RSPH4A: variants seen among roughly 807,000 people sequenced by gnomAD.
The protein encoded by RSPH4A is radial spoke head protein 4 homolog A.
In RSPH4A, 47 loss-of-function variants were observed where a neutral mutation model predicts 71.0. The ratio of observed to expected loss-of-function variants is 0.66; its 90% confidence interval spans 0.52 to 0.84. RSPH4A has a LOEUF of 0.84. Among genes scored for constraint, RSPH4A ranks in the 40% least tolerant of loss-of-function variants. RSPH4A has a pLI of 0.00. For missense variants in RSPH4A, 793 were observed against 855.2 expected (o/e 0.93, Z 0.91); for synonymous variants, 282 against 302.3 (o/e 0.93, Z 0.70).
At chr6:116,624,654 C>T (rs576814735) in intron 2 of RSPH4A, among the ~76,000 whole-genome samples, 13 of 152,154 alleles carry the variant, frequency 8.5e-5, no homozygotes, top group Non-Finnish European at 1.6e-4. Context: ...AGACAGGTCT[C>T]TCTGATGCAT....
At position 116,629,594 on chromosome 6, in the gene RSPH4A, C is replaced by CA; in HGVS notation, c.1697dup (p.Asn566LysfsTer2). On this transcript the variant is annotated frameshift_variant, in exon 4 of 6. Coordinates refer to ENST00000229554, the MANE Select transcript of RSPH4A (RefSeq NM_001010892.3). LOFTEE classifies it high-confidence loss of function. ...TCGCTGTAATTGGTTCAACTCCATA[C>CA]AAAAAAATGAGGAAGAAGAAGAGGA... 6.2e-7 allele frequency: 1 copy of CA among 1,611,934 alleles called. No homozygotes were observed. Among genetic ancestry groups the CA allele is most frequent in the Non-Finnish European group, 8.5e-7 (1 of 1,178,418 alleles).
rs59377615 is a variant in RSPH4A, at chr6:116,622,119, C to CT, written c.687-642dup. Among the ~76,000 whole-genome samples the CT allele has an allele frequency of 6.3e-3, 951 of 152,032 alleles. 11 individuals are homozygous for CT. Among genetic ancestry groups the CT allele is most frequent in the African/African-American group, 0.022 (923 of 41,464 alleles). On this transcript the variant is annotated intron_variant, in intron 1 of 5. Transcript: ENST00000229554. ...AATAAAGGTAAGTAATATTTAATGGCTTTTTTTGTTGTGTGTAAGTGGATG... is the reference window on the plus strand; with the variant it reads ...AATAAAGGTAAGTAATATTTAATGGCTTTTTTTTGTTGTGTGTAAGTGGATG...
intron 4 of RSPH4A, 92 bp downstream of exon 4, chr6:116,629,794 T>C (rs530799052): frequency 1.6e-6 from 2 of 1,232,988 alleles, no homozygotes; most frequent in African/African-American, 3.0e-5. Context: ...CGGAAAGCTC[T>C]AAAAACTGGA....
At chr6:116,618,044 T>G (rs758543962) in intron 1 of RSPH4A, among the ~76,000 whole-genome samples, 13 of 152,336 alleles carry the variant, frequency 8.5e-5, no homozygotes, top group Non-Finnish European at 1.6e-4. Flanking sequence ...GGAAAACATC[T>G]AATACAACTC....
At chr6:116,632,035 TC>T (rs2115368044) in intron 5 of RSPH4A, among the ~76,000 whole-genome samples, 171 bp from the exon 6 acceptor site, 1 of 152,264 alleles carries the variant, frequency 6.6e-6, no homozygotes, top group Admixed American at 6.5e-5. Flanking sequence ...TGAAAACAAT[TC>T]CCTGTGGTAG....
chr6:116,618,699 G>A (rs188649590), intron 1 of RSPH4A, among the ~76,000 whole-genome samples: 1 of 152,318 alleles, frequency 6.6e-6, no homozygotes, highest in East Asian at 1.9e-4. Context: ...AGACTTCCGT[G>A]ACAAAATGTT....
At chr6:116,631,907 TC>T (rs1184638229) in intron 5 of RSPH4A, among the ~76,000 whole-genome samples, 1 of 152,156 alleles carries the variant, frequency 6.6e-6, no homozygotes, top group Admixed American at 6.5e-5. Context: ...CTTTTTTTTT[TC>T]CTCCCCTGAA....
At position 116,622,616 on chromosome 6, in the gene RSPH4A, C is replaced by T. The variant is rs1401993609; in HGVS notation, c.687-152C>T. 12 of 578,568 alleles carry T rather than the reference C, an allele frequency of 2.1e-5. 1 individual carries two copies. The highest frequency in any genetic ancestry group is 2.0e-4 in the South Asian group (9 of 45,100). 35.8% of individuals were successfully genotyped at this position (578,568 alleles called of 1,614,324 possible). On this transcript the variant is annotated intron_variant, in intron 1 of 5. Coordinates refer to ENST00000229554, the MANE Select transcript of RSPH4A (RefSeq NM_001010892.3). ...CAAATAGTTGTTCAATAATTGCCTA[C>T]TTCCTATTAATTGACCTAAGCTATA... is the stretch of plus-strand genomic sequence containing the variant.
chr6:116,623,058 T>C (rs999590744), intron 2 of RSPH4A, 56 bp downstream of exon 2: 13 of 1,066,042 alleles, frequency 1.2e-5, no homozygotes, highest in African/African-American at 9.4e-5. Context: ...TTGGGACGAA[T>C]GGCTGTGGCT....
In RSPH4A at chr6:116,632,699, TAATGG is replaced by T; in HGVS notation, c.*262_*266del. On this transcript the variant is annotated 3_prime_UTR_variant, in exon 6 of 6. Coordinates refer to ENST00000229554, the MANE Select transcript of RSPH4A (RefSeq NM_001010892.3). ...GCATAATTGTTCTGAGGGTTATGGATAATGGAATATGTGTTTGTACATTCCTGTTT... is the reference window on the plus strand; with the variant it reads ...GCATAATTGTTCTGAGGGTTATGGATAATATGTGTTTGTACATTCCTGTTT... 1 of 434,346 alleles carries T rather than the reference TAATGG, an allele frequency of 2.3e-6. No individual in the cohort carries two copies. The highest frequency in any genetic ancestry group is 4.2e-6 in the Non-Finnish European group (1 of 235,784). 26.9% of individuals were successfully genotyped at this position (434,346 alleles called of 1,614,324 possible).
At chr6:116,626,231 T>C (rs1178795399) in intron 2 of RSPH4A, among the ~76,000 whole-genome samples, 8 of 152,226 alleles carry the variant, frequency 5.3e-5, no homozygotes, top group Non-Finnish European at 1.5e-5. Flanking sequence ...GAGCATATCA[T>C]TTGTAAGAAC....
Position 116,616,648 on chromosome 6 carries a change from C to A in RSPH4A, c.25C>A (p.Gln9Lys), listed in dbSNP as rs139499008. 1.3e-4 allele frequency: 209 copies of A among 1,613,582 alleles called. No individual in the cohort carries two copies. The highest frequency in any genetic ancestry group is 1.7e-4 in the Non-Finnish European group (205 of 1,179,876). The change falls in exon 1 of 6, where the codon CAA becomes AAA. Residue 9 changes from glutamine to lysine, a missense_variant. Coordinates refer to ENST00000229554, the MANE Select transcript of RSPH4A (RefSeq NM_001010892.3). Reference sequence around the variant, plus strand: ...CATGGAGGACTCAACCTCCCCGAAGCAAGAAAAAGAAAACCAAGAAGAACT... The same window carrying A: ...CATGGAGGACTCAACCTCCCCGAAGAAAGAAAAAGAAAACCAAGAAGAACT... MEDSTSPK[Q>K]EKENQEELGE... is the part of the protein sequence containing the mutation.
At chr6:116,630,102 G>A (rs1775767944) in intron 4 of RSPH4A, among the ~76,000 whole-genome samples, 2 of 152,120 alleles carry the variant, frequency 1.3e-5, no homozygotes, top group South Asian at 4.2e-4. Flanking sequence ...ATTTGTGCTT[G>A]CAACCCTTGA....
At chr6:116,623,508 T>C (rs1775646579) in intron 2 of RSPH4A, among the ~76,000 whole-genome samples, 1 of 152,054 alleles carries the variant, frequency 6.6e-6, no homozygotes, top group South Asian at 2.1e-4. Context: ...TTTCATACTG[T>C]GTTTTAGTAT....
At position 116,629,478 on chromosome 6, in the gene RSPH4A, G is replaced by A; in HGVS notation, c.1663-89G>A. The stretch of plus-strand genomic sequence containing the variant: ...GAATAATTGATTAAATTCCCACAGA[G>A]TTACACTTCATCCTGATCAATTCAA... On this transcript the variant is annotated intron_variant, in intron 3 of 5. Coordinates refer to ENST00000229554, the MANE Select transcript of RSPH4A (RefSeq NM_001010892.3). The A allele has an allele frequency of 7.0e-6, 9 of 1,289,746 alleles. No individual in the cohort carries two copies. The South Asian group carries it at 9.7e-5, about 14-fold the overall frequency. The allele number at this position is 1,289,746 out of a possible 1,614,324, so 79.9% of individuals were successfully genotyped here.
Position 116,624,755 on chromosome 6 carries a change from G to T in RSPH4A, c.921+1753G>T, listed in dbSNP as rs112535572. On this transcript the variant is annotated intron_variant, in intron 2 of 5. Transcript: ENST00000229554. ...CCTGCCTTTGACCACACCAGAATTC[G>T]TTTGCTTAGTCTTCAGCATTCATTT... Among the ~76,000 whole-genome samples the T allele has an allele frequency of 6.6e-5, 10 of 152,200 alleles. 2 individuals are homozygous for T. Among genetic ancestry groups the T allele is most frequent in the African/African-American group, 2.2e-4 (9 of 41,522 alleles).
At chr6:116,624,393 G>T (rs1347405174) in intron 2 of RSPH4A, among the ~76,000 whole-genome samples, 1 of 152,222 alleles carries the variant, frequency 6.6e-6, no homozygotes, top group Non-Finnish European at 1.5e-5. Context: ...AGAAAGTTCA[G>T]ACTCCAGGGT....
chr6:116,620,126 C>A (rs1775577810), intron 1 of RSPH4A, among the ~76,000 whole-genome samples: 1 of 152,136 alleles, frequency 6.6e-6, no homozygotes, highest in South Asian at 2.1e-4. Flanking sequence ...TGTCATAATG[C>A]CCTATGTTAG....
At chr6:116,617,387 T>A in intron 1 of RSPH4A, 78 bp downstream of exon 1, 1 of 993,744 alleles carries the variant, frequency 1.0e-6, no homozygotes, top group Non-Finnish European at 1.5e-6. Context: ...AGAGTGTGTT[T>A]CTGTGGGTGA....
Sources: gnomAD v4.1 joint callset for allele counts (sites outside exome capture counted in the v4.1 genomes callset) on GRCh38, gnomAD v4.1.1 for gene constraint, MANE v1.5 for transcripts, NCBI Gene and HGNC (gene_info 2026-07-23, HGNC 2026-07-21) for gene names.